The following GALNTL5 variants were observed in gnomAD, a reference collection of about 807,000 sequenced individuals.
The protein encoded by GALNTL5 is polypeptide N-acetylgalactosaminyltransferase like 5.
A neutral mutation model predicts 51.0 loss-of-function variants in GALNTL5; 44 were observed. That is an observed-to-expected ratio of 0.86 (90% CI 0.68 to 1.11). The LOEUF is 1.11. GALNTL5 is among the 50% of genes least tolerant of loss of function. GALNTL5 has a pLI of 0.00. For synonymous variants in GALNTL5, 192 were observed against 182.8 expected (o/e 1.05, Z -0.41); for missense variants, 528 against 531.8 (o/e 0.99, Z 0.07).
At chr7:151,996,330 G>T (rs184238215) in intron 5 of GALNTL5, among the ~76,000 whole-genome samples, 1 of 151,840 alleles carries the variant, frequency 6.6e-6, no homozygotes, top group African/African-American at 2.4e-5. Flanking sequence ...TTAGCATTAG[G>T]TATGTCTCCT....
At chr7:152,006,746 A>G (rs921161594) in intron 6 of GALNTL5, among the ~76,000 whole-genome samples, 13 of 152,216 alleles carry the variant, frequency 8.5e-5, no homozygotes, top group African/African-American at 3.1e-4. Context: ...GAACAAATGA[A>G]TGTAAACTTG....
In GALNTL5 at chr7:151,959,232, C is replaced by CT. The variant is rs36008422; in HGVS notation, c.-40+2633dup. ...ATTACATTTGGTTGTCTCCCCTTAC[C>CT]TTTTTTTTTTAACTAGTTTCTAATT... On this transcript the variant is annotated intron_variant, in intron 1 of 8. Coordinates refer to ENST00000392800, the MANE Select transcript of GALNTL5 (RefSeq NM_145292.4). Among the ~76,000 whole-genome samples, 1,020 of 149,010 alleles carry CT rather than the reference C, an allele frequency of 6.8e-3. 7 individuals carry two copies. The highest frequency in any genetic ancestry group is 0.023 in the African/African-American group (946 of 40,560).
chr7:152,013,804 A>C (rs1276531036), intron 7 of GALNTL5, among the ~76,000 whole-genome samples: 1 of 152,220 alleles, frequency 6.6e-6, no homozygotes, highest in Non-Finnish European at 1.5e-5. Flanking sequence ...ACCTGGGTTA[A>C]TATTGACTCA....
intron 3 of GALNTL5, among the ~76,000 whole-genome samples, chr7:151,976,570 C>A (rs1271377437): frequency 2.0e-5 from 3 of 152,022 alleles, no homozygotes; most frequent in Non-Finnish European, 4.4e-5. Context: ...TTTTTTTAAT[C>A]ATGTTTTTCA....
At chr7:152,003,108 T>C in intron 6 of GALNTL5, 145 bp downstream of exon 6, 2 of 666,338 alleles carry the variant, frequency 3.0e-6, no homozygotes, top group Non-Finnish European at 5.1e-6. Context: ...AATACAGTAA[T>C]AGAATTATTG....
chr7:151,962,436 C>CTTTTTTTTTTTTTTTTTTTT lies in GALNTL5; in HGVS notation c.-39-4757_-39-4756insTTTTTTTTTTTTTTTTTTTT, dbSNP rs61210832. Among the ~76,000 whole-genome samples the CTTTTTTTTTTTTTTTTTTTT allele has an allele frequency of 6.9e-5, 8 of 116,242 alleles. 1 individual carries two copies. The highest frequency in any genetic ancestry group is 1.0e-4 in the Non-Finnish European group (6 of 57,320). 76.3% of individuals were successfully genotyped at this position (116,242 alleles called of 152,430 possible). ...AAAAAAGTCTGTGTGATTTTTTTTT[C>CTTTTTTTTTTTTTTTTTTTT]TTTTTTTTTTTTTTTGGTTAATGCA... On this transcript the variant is annotated intron_variant, in intron 1 of 8. Coordinates refer to ENST00000392800, the MANE Select transcript of GALNTL5 (RefSeq NM_145292.4).
At chr7:151,975,370 T>C (rs986784491) in intron 3 of GALNTL5, among the ~76,000 whole-genome samples, 1 of 152,160 alleles carries the variant, frequency 6.6e-6, no homozygotes, top group South Asian at 2.1e-4. Context: ...TTGTTCATAG[T>C]AGTCTTTTAT....
At chr7:151,962,620 T>TGTTG (rs3037159) in intron 1 of GALNTL5, among the ~76,000 whole-genome samples, 130 of 150,968 alleles carry the variant, frequency 8.6e-4, no homozygotes, top group African/African-American at 2.9e-3. Flanking sequence ...TTTGTTTGTT[T>TGTTG]GTTTAATAGA....
In GALNTL5 at chr7:151,974,153, A is replaced by G. The variant is rs1389484861; in HGVS notation, c.368+3088A>G. On this transcript the variant is annotated intron_variant, in intron 3 of 8. Transcript: ENST00000392800. ...CCTTATAGCAGTGTGAAAATGAAGT[A>G]ATATAATACAGTACCCAATAAACAA... Among the ~76,000 whole-genome samples, 3 of 50,034 alleles carry G rather than the reference A, an allele frequency of 6.0e-5. 1 individual carries two copies. The highest frequency in any genetic ancestry group is 1.3e-4 in the Non-Finnish European group (3 of 22,250). 32.8% of individuals were successfully genotyped at this position (50,034 alleles called of 152,430 possible).
intron 7 of GALNTL5, 147 bp from the exon 8 acceptor site, chr7:152,014,497 T>C (rs1224226760): frequency 3.0e-6 from 2 of 658,378 alleles, no homozygotes; most frequent in Non-Finnish European, 4.9e-6. Context: ...CAAACTCCCT[T>C]CCTTAGGTGA....
chr7:152,002,375 T>C (rs1388868300), intron 5 of GALNTL5, among the ~76,000 whole-genome samples: 1 of 152,150 alleles, frequency 6.6e-6, no homozygotes, highest in Admixed American at 6.5e-5. Flanking sequence ...GTCCTTTCAG[T>C]AAAAATTTGC....
At chr7:151,971,283 G>A (rs1053649369) in intron 3 of GALNTL5, among the ~76,000 whole-genome samples, 4 of 152,080 alleles carry the variant, frequency 2.6e-5, no homozygotes, top group African/African-American at 9.7e-5. Flanking sequence ...TTCTTCGTGG[G>A]CACAAAATGT....
intron 3 of GALNTL5, among the ~76,000 whole-genome samples, chr7:151,977,109 C>G (rs2081216441): frequency 6.6e-6 from 1 of 152,038 alleles, no homozygotes. Context: ...AGACCAAATA[C>G]CTAAATTATA....
rs756111158 is a variant in GALNTL5, at chr7:151,983,155, A to T, written c.535+3A>T. 6.2e-7 allele frequency: 1 copy of T among 1,607,572 alleles called. No homozygotes were observed. Among genetic ancestry groups the T allele is most frequent in the Non-Finnish European group, 8.5e-7 (1 of 1,174,268 alleles). ...GGTAGATGACATGAGCAAAGTTGGT[A>T]AGATAGAACACTCATTATCTCATCT... On this transcript the variant is annotated splice_donor_region_variant and intron_variant, in intron 4 of 8. Transcript: ENST00000392800.
intron 4 of GALNTL5, among the ~76,000 whole-genome samples, chr7:151,985,335 C>G (rs1233579673): frequency 6.6e-6 from 1 of 152,186 alleles, no homozygotes; most frequent in African/African-American, 2.4e-5. Context: ...GCTTCCCAAC[C>G]AGACACCTCT....
At chr7:151,989,547 A>G (rs1352104962) in intron 5 of GALNTL5, among the ~76,000 whole-genome samples, 1 of 152,256 alleles carries the variant, frequency 6.6e-6, no homozygotes, top group Non-Finnish European at 1.5e-5. Flanking sequence ...TGCAGCAGTT[A>G]CAATTCATGA....
rs565370449 is a variant in GALNTL5, at chr7:151,965,720, A to AAAT, written c.-39-1472_-39-1470dup. The stretch of plus-strand genomic sequence containing the variant: ...ATAGTGAGACCTTGTCTATACAAAA[A>AAAT]AATAATAATAATAATAATTAGCCAC... On this transcript the variant is annotated intron_variant, in intron 1 of 8. Transcript: ENST00000392800. 4.6e-3 allele frequency among the ~76,000 whole-genome samples: 702 copies of AAAT among 152,050 alleles called. 2 individuals carry two copies. Among genetic ancestry groups the AAAT allele is most frequent in the African/African-American group, 0.015 (625 of 41,476 alleles).
In GALNTL5 at chr7:151,983,106, C is replaced by T; in HGVS notation, c.489C>T (p.His163=). Residue 163 remains histidine (H), a synonymous_variant, in exon 4 of 9, where the codon CAC becomes CAT. Transcript: ENST00000392800. ...CCAGTGTCACGAACCTCACGCCACA[C>T]TATTTTCTTGAAGAAATTATTTTGG... ...TMSSVTNLTP[H]YFLEEIILVD... 6.2e-7 allele frequency: 1 copy of T among 1,614,178 alleles called. No individual in the cohort carries two copies.
At chr7:151,957,084 C>T (rs1360388648) in intron 1 of GALNTL5, among the ~76,000 whole-genome samples, 2 of 149,128 alleles carry the variant, frequency 1.3e-5, no homozygotes, top group Non-Finnish European at 3.0e-5. Context: ...GGTGGCAGGA[C>T]CATGTGAGTC....
Sources: gnomAD v4.1 joint callset for allele counts (sites outside exome capture counted in the v4.1 genomes callset) on GRCh38, gnomAD v4.1.1 for gene constraint, MANE v1.5 for transcripts, NCBI Gene and HGNC (gene_info 2026-07-23, HGNC 2026-07-21) for gene names.